The following KIF26B variants were observed in gnomAD, a reference collection of about 807,000 sequenced individuals.
KIF26B encodes the protein kinesin family member 26B, also known as kinesin-like protein KIF26B.
In KIF26B, 63 loss-of-function variants were observed where a neutral mutation model predicts 151.2. The observed-to-expected ratio is 0.42, with a 90% confidence interval of 0.34 to 0.51. KIF26B has a LOEUF of 0.51. KIF26B is among the 20% of genes least tolerant of loss of function. The probability of loss-of-function intolerance (pLI) is 0.07; values close to 1 mark genes in which losing one functional copy is unlikely to be tolerated. For missense variants in KIF26B, 2,813 were observed against 2,913.6 expected, an observed-to-expected ratio of 0.97 and a Z score of 0.79; for synonymous variants, 1,357 against 1,262.1, an observed-to-expected ratio of 1.08 and a Z score of -1.59.
At chr1:245,394,921 A>G (rs946132585) in intron 3 of KIF26B, among the ~76,000 whole-genome samples, 1 of 152,030 alleles carries the variant, frequency 6.6e-6, no homozygotes, top group African/African-American at 2.4e-5. Flanking sequence ...CGAACTCCTG[A>G]CCTCAGGTGA....
Position 245,156,472 on chromosome 1 carries a change from C to G in KIF26B, c.254C>G (p.Pro85Arg). ...TSSPSSFTGSPGPASPGIGTS... is the reference protein window; with the variant it reads ...TSSPSSFTGSRGPASPGIGTS... The stretch of plus-strand genomic sequence containing the variant: ...TCCCCGAGCTCGTTCACCGGCTCCC[C>G]GGGACCCGCCTCCCCCGGCATCGGC... The change falls in exon 2 of 15, where the codon CCG becomes CGG. Residue 85 changes from proline (P) to arginine (R), a missense_variant. Physicochemically the swap from Pro to Arg is moderately radical, Grantham distance 103. This residue lies in a region of KIF26B where 676 missense variants were observed against 688.1 expected (regional missense o/e 0.98). Transcript: ENST00000407071. 6.6e-7 allele frequency: 1 copy of G among 1,525,176 alleles called. No individual in the cohort carries two copies. The highest frequency in any genetic ancestry group is 8.8e-7 in the Non-Finnish European group (1 of 1,139,768). The allele number at this position is 1,525,176 out of a possible 1,614,324, so 94.5% of individuals were successfully genotyped here.
Position 245,698,441 on chromosome 1 carries a change from G to C in KIF26B, c.6027+133G>C. 1 of 761,730 alleles carries C rather than the reference G, an allele frequency of 1.3e-6. No individual in the cohort carries two copies. Among genetic ancestry groups the C allele is most frequent in the Non-Finnish European group, 2.1e-6 (1 of 476,730 alleles). 47.2% of individuals were successfully genotyped at this position (761,730 alleles called of 1,614,324 possible). A position where few individuals can be genotyped will look rare whatever the true frequency, so the allele number is the denominator to read the frequency against. ...CCAGCGGGCTTCTGGCATGGGTGGT[G>C]GGAAGGGGGCTTCTGTCCCAGCAAA... On this transcript the variant is annotated intron_variant, in intron 13 of 14. Transcript: ENST00000407071. The surrounding 1 kb of genome is among the most constrained non-coding windows in gnomAD (Gnocchi z 4.0).
rs572720084 is a variant in KIF26B, at chr1:245,358,068, C to A, written c.466-8766C>A. On this transcript the variant is annotated intron_variant, in intron 2 of 14. Coordinates refer to ENST00000407071, the MANE Select transcript of KIF26B (RefSeq NM_018012.4). This position sits in a 1 kb window ranked among gnomAD's most constrained non-coding sequence, Gnocchi z 4.1. ...AGTAGCTGGGACTAAAGGCATGCAC[C>A]ACCGCACCTGGCTAATTTTTGTATT... Among the ~76,000 whole-genome samples, 1 of 152,194 alleles carries A rather than the reference C, an allele frequency of 6.6e-6. No individual in the cohort carries two copies. Among genetic ancestry groups the A allele is most frequent in the Non-Finnish European group, 1.5e-5 (1 of 68,016 alleles).
chr1:245,530,215 C>A (rs1385543092), intron 4 of KIF26B, among the ~76,000 whole-genome samples: 1 of 152,040 alleles, frequency 6.6e-6, no homozygotes, highest in African/African-American at 2.4e-5. Context: ...AAAAGGGAAC[C>A]CTCATACACT....
chr1:245,419,828 C>A, intron 4 of KIF26B, 83 bp downstream of exon 4: 2 of 1,296,978 alleles, frequency 1.5e-6, no homozygotes, highest in Non-Finnish European at 2.1e-6. Context: ...AGCTGAAACA[C>A]TAGAAAGAGT....
chr1:245,218,476 GA>G lies in KIF26B; in HGVS notation c.465+61798del, dbSNP rs932242141. Among the ~76,000 whole-genome samples the G allele has an allele frequency of 1.2e-4, 19 of 152,306 alleles. No homozygotes were observed. Among genetic ancestry groups the G allele is most frequent in the Admixed American group, 3.3e-4 (5 of 15,300 alleles). ...AGAAGAGCAGAGGAGGGTGAGTGAG[GA>G]AAAAGCAGGAGGGTATTGGGTGTGG... On this transcript the variant is annotated intron_variant, in intron 2 of 14. Transcript: ENST00000407071. The surrounding 1 kb of genome is among the most constrained non-coding windows in gnomAD (Gnocchi z 4.1).
intron 2 of KIF26B, among the ~76,000 whole-genome samples, chr1:245,211,916 A>T (rs1669542519): frequency 6.6e-6 from 1 of 152,116 alleles, no homozygotes; most frequent in Admixed American, 6.5e-5. Context: ...TTCGGCCTGC[A>T]CCCACGGCAG....
At chr1:245,662,637 T>TAC (rs1372581962) in intron 10 of KIF26B, among the ~76,000 whole-genome samples, 4 of 67,620 alleles carry the variant, frequency 5.9e-5, no homozygotes, top group Admixed American at 1.6e-4. Flanking sequence ...CAGTGATATA[T>TAC]ACACACACAC....
In KIF26B at chr1:245,686,149, G is replaced by T; in HGVS notation, c.3166G>T (p.Val1056Leu). 1 of 1,612,402 alleles carries T rather than the reference G, an allele frequency of 6.2e-7. No homozygotes were observed. The highest frequency in any genetic ancestry group is 8.5e-7 in the Non-Finnish European group (1 of 1,179,798). ...SRESLNSCGFVEGKPRPMGSP... is the reference protein window; with the variant it reads ...SRESLNSCGFLEGKPRPMGSP... ...GGAGAGCCTCAACTCCTGCGGCTTC[G>T]TGGAAGGCAAGCCCAGGCCCATGGG... The change falls in exon 12 of 15, where the codon GTG (valine) becomes TTG (leucine). Residue 1056 changes from valine to leucine, a missense_variant. This residue lies in a region of KIF26B where 2,060 missense variants were observed against 2,088.6 expected (regional missense o/e 0.99). Coordinates refer to ENST00000407071, the MANE Select transcript of KIF26B (RefSeq NM_018012.4). The surrounding 1 kb of genome is among the most constrained non-coding windows in gnomAD (Gnocchi z 5.6).
chr1:245,296,831 C>T (rs888719930), intron 2 of KIF26B, among the ~76,000 whole-genome samples: 2 of 152,206 alleles, frequency 1.3e-5, no homozygotes, highest in Non-Finnish European at 2.9e-5. Context: ...CATCTCAGGA[C>T]TGTACTTCAT....
intron 2 of KIF26B, among the ~76,000 whole-genome samples, chr1:245,325,440 G>A (rs576946166): frequency 2.0e-5 from 3 of 152,166 alleles, no homozygotes; most frequent in Non-Finnish European, 4.4e-5. Context: ...TCAGCTGGGC[G>A]CGGTGGCTCA....
chr1:245,685,632 C>T lies in KIF26B; in HGVS notation c.2649C>T (p.Asn883=), dbSNP rs369609205. ...TALSDKELTD[N]EGPPDFVPIV... is the part of the protein sequence containing the mutation. ...TCTCTGACAAGGAGCTCACCGACAA[C>T]GAGGGCCCCCCAGACTTTGTCCCTA... The change falls in exon 12 of 15, where the codon AAC becomes AAT. Residue 883 remains asparagine, a synonymous_variant. Transcript: ENST00000407071. 1.7e-5 allele frequency: 28 copies of T among 1,613,322 alleles called. No homozygotes were observed. The Admixed American group carries it at 2.2e-4, about 12-fold the overall frequency.
intron 2 of KIF26B, among the ~76,000 whole-genome samples, chr1:245,283,710 C>T (rs183311057): frequency 0.021 from 1,847 of 89,474 alleles, 25 homozygotes; most frequent in Non-Finnish European, 0.029. Context: ...TTTTTTGAGG[C>T]GGACTCTCAC....
At position 245,156,203 on chromosome 1, in the gene KIF26B, T is replaced by G. The variant is rs67160917; in HGVS notation, c.64-79T>G. The stretch of plus-strand genomic sequence containing the variant: ...GTGGGCGGTTCGAGCGGGTACTTGG[T>G]GGCGCACGTATGACCCAGCTCCTGG... On this transcript the variant is annotated intron_variant, in intron 1 of 14. Coordinates refer to ENST00000407071, the MANE Select transcript of KIF26B (RefSeq NM_018012.4). 209 of 1,487,356 alleles carry G rather than the reference T, an allele frequency of 1.4e-4. 3 individuals carry two copies. In the South Asian group the frequency reaches 2.6e-3, roughly 19 times the overall value. The allele number at this position is 1,487,356 out of a possible 1,614,324, so 92.1% of individuals were successfully genotyped here.
chr1:245,384,542 C>T lies in KIF26B; in HGVS notation c.999+17175C>T, dbSNP rs182617044. On this transcript the variant is annotated intron_variant, in intron 3 of 14. Transcript: ENST00000407071. The stretch of plus-strand genomic sequence containing the variant: ...GCTCAAGTGGTCCTCCCACTTTGAC[C>T]TCCCACAGTGCTGGATTACAAGCAT... Among the ~76,000 whole-genome samples, 47 of 152,300 alleles carry T rather than the reference C, an allele frequency of 3.1e-4. No homozygotes were observed. The East Asian group carries it at 8.9e-3, about 29-fold the overall frequency.
chr1:245,406,810 C>G (rs1674145541), intron 3 of KIF26B, among the ~76,000 whole-genome samples: 1 of 151,996 alleles, frequency 6.6e-6, no homozygotes, highest in Non-Finnish European at 1.5e-5. Context: ...TTTTTTGAGA[C>G]AGAGTCTTGC....
intron 2 of KIF26B, among the ~76,000 whole-genome samples, chr1:245,345,508 A>G (rs540412353): frequency 6.6e-6 from 1 of 152,174 alleles, no homozygotes; most frequent in African/African-American, 2.4e-5. Context: ...CCACACCCTC[A>G]GCGCCTTTCC....
At chr1:245,242,548 G>T (rs1267668400) in intron 2 of KIF26B, among the ~76,000 whole-genome samples, 1 of 152,106 alleles carries the variant, frequency 6.6e-6, no homozygotes, top group Non-Finnish European at 1.5e-5. Flanking sequence ...ACCAGCAATT[G>T]GCCTTTTCAC....
chr1:245,536,448 T>C (rs949909746), intron 4 of KIF26B, among the ~76,000 whole-genome samples: 3 of 152,098 alleles, frequency 2.0e-5, no homozygotes, highest in Non-Finnish European at 4.4e-5. Flanking sequence ...AGTAAAGCAA[T>C]AAACATGGTA....
Sources: gnomAD v4.1 joint callset for allele counts (sites outside exome capture counted in the v4.1 genomes callset) on GRCh38, gnomAD v4.1.1 for gene constraint, gnomAD v4.1.1 regional missense constraint, Gnocchi (gnomAD v3.1) non-coding constraint, MANE v1.5 for transcripts, NCBI Gene and HGNC (gene_info 2026-07-23, HGNC 2026-07-21) for gene names.